CREB5: variants seen among roughly 807,000 people sequenced by gnomAD.
CREB5 encodes the protein cAMP responsive element binding protein 5.
A neutral mutation model predicts 57.1 loss-of-function variants in CREB5; 19 were observed. The observed-to-expected ratio is 0.33, with a 90% CI of 0.23 to 0.49. The LOEUF (loss-of-function observed/expected upper bound fraction) is 0.49. Among genes scored for constraint, CREB5 ranks in the 20% least tolerant of loss-of-function variants. The pLI, the probability that CREB5 is intolerant of heterozygous loss-of-function variation, is 0.99. For synonymous variants in CREB5, 238 were observed against 238.3 expected, an observed-to-expected ratio of 1.00 and a Z score of 0.01; for missense variants, 579 against 671.6, an observed-to-expected ratio of 0.86 and a Z score of 1.52.
At chr7:28,364,433 A>G (rs532184390) in intron 1 of CREB5, among the ~76,000 whole-genome samples, 3 of 152,330 alleles carry the variant, frequency 2.0e-5, no homozygotes, top group Admixed American at 6.5e-5. Flanking sequence ...AAAAACGTTG[A>G]GTGTCAACAA....
chr7:28,639,434 T>C (rs1798560886), intron 5 of CREB5, among the ~76,000 whole-genome samples: 1 of 152,248 alleles, frequency 6.6e-6, no homozygotes, highest in Admixed American at 6.5e-5. Flanking sequence ...GGATTTTTGT[T>C]GGTATTTATT....
chr7:28,513,420 T>C (rs1242695835), intron 4 of CREB5: 1 of 148,686 alleles, frequency 6.7e-6, no homozygotes, highest in Non-Finnish European at 1.5e-5. Flanking sequence ...TTAATCCTAG[T>C]AGATGAGGCT....
intron 5 of CREB5, among the ~76,000 whole-genome samples, chr7:28,690,198 G>A (rs1583554407): frequency 1.3e-5 from 2 of 152,236 alleles, no homozygotes; most frequent in African/African-American, 2.4e-5. Context: ...CATGGGCTTT[G>A]CCTTCCACAG....
At chr7:28,314,109 T>G (rs1229024967) in intron 1 of CREB5, among the ~76,000 whole-genome samples, 1 of 152,164 alleles carries the variant, frequency 6.6e-6, no homozygotes, top group Non-Finnish European at 1.5e-5. Flanking sequence ...ATATCTATGT[T>G]TCCAAGGAAA....
At chr7:28,514,722 G>A (rs968644586) in intron 4 of CREB5, among the ~76,000 whole-genome samples, 1 of 152,184 alleles carries the variant, frequency 6.6e-6, no homozygotes, top group African/African-American at 2.4e-5. Flanking sequence ...TATTTGCTAT[G>A]ACAGGACATT....
chr7:28,470,950 T>C (rs570590185), intron 1 of CREB5, among the ~76,000 whole-genome samples: 41 of 152,344 alleles, frequency 2.7e-4, no homozygotes, highest in African/African-American at 9.6e-4. Context: ...TAGAGTTGCT[T>C]GAGCAGCTTC....
intron 5 of CREB5, among the ~76,000 whole-genome samples, chr7:28,717,213 C>A (rs10225213): frequency 0.012 from 1,768 of 151,786 alleles, 50 homozygotes; most frequent in African/African-American, 0.04. Context: ...CGTGCGCCAC[C>A]ACGCCCAGCT....
intron 1 of CREB5, chr7:28,435,513 T>A (rs989298227): frequency 9.2e-6 from 4 of 433,018 alleles, no homozygotes; most frequent in African/African-American, 8.6e-5. Flanking sequence ...GGCCTTAATA[T>A]GAATGAGGGC....
At chr7:28,397,166 A>G (rs114835281) in intron 1 of CREB5, among the ~76,000 whole-genome samples, 1,913 of 152,284 alleles carry the variant, frequency 0.013, 27 homozygotes, top group African/African-American at 0.043. Context: ...CATGGATTGA[A>G]AAAAAAGAAG....
At chr7:28,315,605 C>T (rs1177865700) in intron 1 of CREB5, among the ~76,000 whole-genome samples, 1 of 152,186 alleles carries the variant, frequency 6.6e-6, no homozygotes, top group Non-Finnish European at 1.5e-5. Context: ...TTTTGTTTTT[C>T]CCTACAGTTT....
intron 4 of CREB5, among the ~76,000 whole-genome samples, chr7:28,549,559 A>G (rs1794542554): frequency 1.3e-5 from 2 of 152,188 alleles, no homozygotes; most frequent in Admixed American, 1.3e-4. Flanking sequence ...GCTTATGTTC[A>G]GGATAGCATT....
Position 28,824,625 on chromosome 7 carries a change from T to TTCACAA in CREB5, c.*5346_*5347insTCACAA, listed in dbSNP as rs1452624366. The TTCACAA allele has an allele frequency of 6.6e-6, 1 of 152,618 alleles. No individual in the cohort carries two copies. The highest frequency in any genetic ancestry group is 2.4e-5 in the African/African-American group (1 of 41,462). The allele number at this position is 152,618 out of a possible 1,614,324, so 9.5% of individuals were successfully genotyped here. ...AAATTTAAAAAACAAAAAACCTAGC[T>TTCACAA]CATCATGTTGTGAAAATGAAAAAGT... is the stretch of plus-strand genomic sequence containing the variant. On this transcript the variant is annotated 3_prime_UTR_variant, in exon 11 of 11. Transcript: ENST00000357727.
chr7:28,772,870 A>C (rs1806401279), intron 7 of CREB5, among the ~76,000 whole-genome samples: 1 of 152,132 alleles, frequency 6.6e-6, no homozygotes, highest in Admixed American at 6.5e-5. Context: ...CTTGGATTTA[A>C]GTGACACTTG....
intron 1 of CREB5, among the ~76,000 whole-genome samples, chr7:28,465,792 G>A (rs1242265042): frequency 2.0e-5 from 3 of 152,046 alleles, no homozygotes; most frequent in Admixed American, 2.0e-4. Flanking sequence ...TTTCCCATAT[G>A]GAAAAAGCCA....
At chr7:28,733,139 C>T (rs1291376397) in intron 7 of CREB5, among the ~76,000 whole-genome samples, 2 of 152,098 alleles carry the variant, frequency 1.3e-5, no homozygotes, top group Non-Finnish European at 2.9e-5. Context: ...CAACTGTGGC[C>T]TTGTATTCCA....
intron 5 of CREB5, among the ~76,000 whole-genome samples, chr7:28,706,258 A>G (rs1429510579): frequency 6.6e-6 from 1 of 152,184 alleles, no homozygotes; most frequent in Non-Finnish European, 1.5e-5. Context: ...CAGGAGGCTG[A>G]GGCAGGAGAA....
chr7:28,750,807 CATTTT>C (rs1804937122), intron 7 of CREB5, among the ~76,000 whole-genome samples: 1 of 152,018 alleles, frequency 6.6e-6, no homozygotes, highest in African/African-American at 2.4e-5. Context: ...ATTAAATACT[CATTTT>C]AAATGTGTAA....
At chr7:28,598,580 G>A (rs1389578652) in intron 5 of CREB5, among the ~76,000 whole-genome samples, 1 of 152,134 alleles carries the variant, frequency 6.6e-6, no homozygotes, top group African/African-American at 2.4e-5. Flanking sequence ...TTGTGTCCCA[G>A]GTTAATTAGC....
chr7:28,560,957 T>C (rs972612759), intron 4 of CREB5, among the ~76,000 whole-genome samples: 3,430 of 42,938 alleles, frequency 0.08, 499 homozygotes, highest in East Asian at 0.29. Flanking sequence ...TGTGCGTGTG[T>C]GTGCGTGTGT....
Sources: gnomAD v4.1 joint callset for allele counts (sites outside exome capture counted in the v4.1 genomes callset) on GRCh38, gnomAD v4.1.1 for gene constraint, MANE v1.5 for transcripts, NCBI Gene and HGNC (gene_info 2026-07-23, HGNC 2026-07-21) for gene names.